ANO10: variants seen among roughly 807,000 people sequenced by gnomAD.
ANO10 encodes anoctamin 10, also known as anoctamin-10.
Under a neutral mutation model 74.7 loss-of-function variants are expected in ANO10, and 77 were observed. The ratio of observed to expected loss-of-function variants is 1.03; its 90% CI spans 0.86 to 1.25. The LOEUF (loss-of-function observed/expected upper bound fraction) is 1.25, where lower values mean the gene tolerates loss of function less well. ANO10 is among the 50% of genes most tolerant of loss of function. The probability of loss-of-function intolerance (pLI) is 0.00; values close to 1 mark genes in which losing one functional copy is unlikely to be tolerated. For missense variants in ANO10, 721 were observed against 778.1 expected (o/e 0.93, Z 0.87); for synonymous variants, 279 against 284.9 (o/e 0.98, Z 0.21).
At position 43,668,869 on chromosome 3, in the gene ANO10, A is replaced by G. The variant is rs145138724; in HGVS notation, c.-12+22648T>C. Among the ~76,000 whole-genome samples the G allele has an allele frequency of 2.4e-3, 370 of 152,028 alleles. 3 individuals carry two copies. Among genetic ancestry groups the G allele is most frequent in the African/African-American group, 8.4e-3 (348 of 41,456 alleles). On this transcript the variant is annotated intron_variant, in intron 1 of 3. Coordinates refer to the ANO10 transcript ENST00000413397. ...TGTTCTTTTCTTTGTTCCTGTTTTT[A>G]TATTCCATACTTTTTTTCGCTATTT...
chr3:43,675,453 C>G (rs1413864617), intron 1 of ANO10, among the ~76,000 whole-genome samples: 2 of 152,026 alleles, frequency 1.3e-5, no homozygotes, highest in African/African-American at 2.4e-5. Flanking sequence ...AAAAGATAAG[C>G]TACAGATGTC....
At chr3:43,478,034 G>A (rs2076138211) in intron 11 of ANO10, among the ~76,000 whole-genome samples, 2 of 152,134 alleles carry the variant, frequency 1.3e-5, no homozygotes, top group Non-Finnish European at 2.9e-5. Context: ...CCTATTCTAA[G>A]TGCTTTTCAT....
chr3:43,549,291 C>CCATCAGGTACCAAATTA (rs2079344116), intron 11 of ANO10, among the ~76,000 whole-genome samples: 1 of 125,158 alleles, frequency 8.0e-6, no homozygotes, highest in Non-Finnish European at 1.6e-5. Flanking sequence ...TACCAAATTA[C>CCATCAGGTACCAAATTA]CATCAGGTAC....
intron 12 of ANO10, among the ~76,000 whole-genome samples, chr3:43,384,288 C>T (rs1475693030): frequency 6.6e-6 from 1 of 151,886 alleles, no homozygotes; most frequent in African/African-American, 2.4e-5. Context: ...ATGACACAAA[C>T]AAATGGAAAC....
chr3:43,622,753 T>A (rs1365333350), upstream of ANO10, among the ~76,000 whole-genome samples: 1 of 152,102 alleles, frequency 6.6e-6, no homozygotes, highest in East Asian at 1.9e-4. Context: ...GCTCTCACTT[T>A]CTCCCTGAGG....
intron 1 of ANO10, among the ~76,000 whole-genome samples, chr3:43,657,704 C>T (rs1209700317): frequency 6.6e-6 from 1 of 152,214 alleles, no homozygotes; most frequent in Non-Finnish European, 1.5e-5. Context: ...AGCCTTTGTT[C>T]TGGCCCTGTT....
chr3:43,543,113 A>C (rs1329193446), intron 11 of ANO10, among the ~76,000 whole-genome samples: 1 of 152,002 alleles, frequency 6.6e-6, no homozygotes, highest in Non-Finnish European at 1.5e-5. Context: ...AATATCTATA[A>C]ATCTCTCTCT....
chr3:43,638,572 T>G (rs1199028251), intron 1 of ANO10: 2 of 152,244 alleles, frequency 1.3e-5, no homozygotes, highest in East Asian at 3.9e-4. Flanking sequence ...TTTTAAAGGG[T>G]AAAAATACTT....
intron 11 of ANO10, among the ~76,000 whole-genome samples, chr3:43,492,360 C>T (rs1372403516): frequency 6.6e-6 from 1 of 152,114 alleles, no homozygotes; most frequent in Non-Finnish European, 1.5e-5. Flanking sequence ...TGTCCAATAC[C>T]ATTCAGGACA....
chr3:43,494,262 TGGCCAACATG>T (rs2076834577), intron 11 of ANO10, among the ~76,000 whole-genome samples: 2 of 152,148 alleles, frequency 1.3e-5, no homozygotes, highest in African/African-American at 2.4e-5. Context: ...GGGACCAGCC[TGGCCAACATG>T]GTGAAACCCC....
intron 11 of ANO10, among the ~76,000 whole-genome samples, chr3:43,513,656 G>A (rs1300474556): frequency 9.9e-5 from 15 of 152,038 alleles, no homozygotes; most frequent in African/African-American, 1.9e-4. Context: ...GACTACAGGC[G>A]CCTGCCACCA....
intron 12 of ANO10, among the ~76,000 whole-genome samples, chr3:43,428,096 C>G (rs542845415): frequency 4.0e-5 from 6 of 151,894 alleles, no homozygotes; most frequent in Admixed American, 6.6e-5. Context: ...GTCACTCAGC[C>G]TGGAGTGCAG....
chr3:43,516,134 T>C (rs995746155), intron 11 of ANO10, among the ~76,000 whole-genome samples: 22 of 152,326 alleles, frequency 1.4e-4, no homozygotes, highest in African/African-American at 5.1e-4. Context: ...GAATACAGCA[T>C]GGATCCTGCT....
At chr3:43,554,364 T>C (rs1008290930) in intron 10 of ANO10, among the ~76,000 whole-genome samples, 6 of 151,994 alleles carry the variant, frequency 3.9e-5, no homozygotes, top group Non-Finnish European at 8.8e-5. Context: ...GGCTAATTTT[T>C]GTATTTTTAG....
intron 1 of ANO10, among the ~76,000 whole-genome samples, chr3:43,681,169 A>G (rs11921639): frequency 0.082 from 12,395 of 151,634 alleles, 702 homozygotes; most frequent in South Asian, 0.21. Flanking sequence ...TCAGTGTATT[A>G]TATTCGGGAA....
chr3:43,509,920 T>C (rs1262182265), intron 11 of ANO10, among the ~76,000 whole-genome samples: 2 of 152,182 alleles, frequency 1.3e-5, no homozygotes, highest in African/African-American at 4.8e-5. Context: ...TCCAGGGAAC[T>C]GTGCTGAAGG....
chr3:43,663,953 T>A (rs1277011393), intron 1 of ANO10, among the ~76,000 whole-genome samples: 1 of 152,214 alleles, frequency 6.6e-6, no homozygotes, highest in Non-Finnish European at 1.5e-5. Flanking sequence ...ACGGCCTTAC[T>A]GCCCAAAGTA....
chr3:43,565,625 T>C (rs1301487861), intron 8 of ANO10, 28 bp downstream of exon 8: 4 of 1,533,042 alleles, frequency 2.6e-6, no homozygotes, highest in Non-Finnish European at 3.5e-6. Context: ...ACCTAAAAAA[T>C]TGGTATTTTT....
At chr3:43,423,984 C>T (rs1172414782) in intron 12 of ANO10, among the ~76,000 whole-genome samples, 1 of 152,142 alleles carries the variant, frequency 6.6e-6, no homozygotes, top group Non-Finnish European at 1.5e-5. Flanking sequence ...CCATTTTATC[C>T]TAGAATTCCT....
Sources: gnomAD v4.1 joint callset for allele counts (sites outside exome capture counted in the v4.1 genomes callset) on GRCh38, gnomAD v4.1.1 for gene constraint, MANE v1.5 for transcripts, NCBI Gene and HGNC (gene_info 2026-07-23, HGNC 2026-07-21) for gene names.